Variants in RNLS observed in about 807,000 individuals in gnomAD.
The protein encoded by RNLS is renalase.
RNLS carries 39 observed loss-of-function variants against 39.8 expected under a neutral mutation model. The observed-to-expected ratio is 0.98, with a 90% CI of 0.76 to 1.28. The LOEUF (loss-of-function observed/expected upper bound fraction) is 1.28. Ranked by LOEUF, RNLS falls within the 50% of genes most tolerant of loss-of-function variation. RNLS has a pLI of 0.00. For synonymous variants in RNLS, 147 were observed against 150.7 expected (o/e 0.98, Z 0.18); for missense variants, 410 against 413.3 (o/e 0.99, Z 0.07).
chr10:88,569,605 ATTAAG>A (rs1419296149), intron 4 of RNLS, among the ~76,000 whole-genome samples: 3 of 152,356 alleles, frequency 2.0e-5, no homozygotes, highest in African/African-American at 7.2e-5. Flanking sequence ...TATAGAACTA[ATTAAG>A]TTAATGAAAG....
intron 4 of RNLS, among the ~76,000 whole-genome samples, chr10:88,465,476 A>G (rs748662766): frequency 1.3e-5 from 2 of 152,114 alleles, no homozygotes; most frequent in Admixed American, 6.6e-5. Context: ...CATTTGAACT[A>G]TGTGGCTCAA....
chr10:88,343,721 T>A (rs1848120381), intron 5 of RNLS: 2 of 985,418 alleles, frequency 2.0e-6, no homozygotes, highest in South Asian at 9.4e-5. Flanking sequence ...GAAGATTTTC[T>A]TTGGCCGACA....
chr10:88,181,339 C>T, the RNLS span, among the ~76,000 whole-genome samples: 1 of 152,100 alleles, frequency 6.6e-6, no homozygotes, highest in Non-Finnish European at 1.5e-5. Context: ...TCCCTACAAC[C>T]TCCGCTATGG....
intron 4 of RNLS, among the ~76,000 whole-genome samples, chr10:88,569,640 C>A (rs1310627659): frequency 6.6e-6 from 1 of 152,070 alleles, no homozygotes; most frequent in African/African-American, 2.4e-5. Context: ...TATGTAAATA[C>A]AATTTTCAGA....
intron 4 of RNLS, among the ~76,000 whole-genome samples, chr10:88,484,622 GA>G (rs1024821120): frequency 1.3e-5 from 2 of 151,906 alleles, no homozygotes; most frequent in Non-Finnish European, 2.9e-5. Flanking sequence ...CCACAAGACA[GA>G]AAAATGGAAG....
At chr10:88,267,669 G>A in the RNLS span, among the ~76,000 whole-genome samples, 7 of 152,158 alleles carry the variant, frequency 4.6e-5, no homozygotes, top group Non-Finnish European at 8.8e-5. Context: ...GTCTAACCAG[G>A]AGAACACAAA....
intron 4 of RNLS, among the ~76,000 whole-genome samples, chr10:88,371,286 C>A (rs1394322365): frequency 6.6e-6 from 1 of 152,106 alleles, no homozygotes. Context: ...TAAAAGCCTT[C>A]AGGGGTGTCT....
At chr10:88,521,474 TG>T (rs1456065991) in intron 4 of RNLS, among the ~76,000 whole-genome samples, 1 of 152,076 alleles carries the variant, frequency 6.6e-6, no homozygotes, top group Admixed American at 6.6e-5. Context: ...CTGTCCCTAA[TG>T]GGCAATATGA....
chr10:88,237,754 A>G, the RNLS span, among the ~76,000 whole-genome samples: 1 of 152,226 alleles, frequency 6.6e-6, no homozygotes, highest in African/African-American at 2.4e-5. Flanking sequence ...CTATCAACCA[A>G]TGAACAATTA....
the RNLS span, among the ~76,000 whole-genome samples, chr10:88,210,243 A>G: frequency 6.6e-6 from 1 of 152,158 alleles, no homozygotes; most frequent in Non-Finnish European, 1.5e-5. Flanking sequence ...TCCATTTCAT[A>G]CAGAGTTTAA....
In RNLS at chr10:88,354,574, C is replaced by T. The variant is rs140336733; in HGVS notation, c.700+7978G>A. On this transcript the variant is annotated intron_variant, in intron 5 of 6. Coordinates refer to ENST00000331772, the MANE Select transcript of RNLS (RefSeq NM_001031709.3). ...CTCTCTTCTGGCTTGTAATTTCTGC[C>T]GAGAGATCAGCTGTTAGTCTGATGG... 7.4e-3 allele frequency among the ~76,000 whole-genome samples: 1,119 copies of T among 152,164 alleles called. 9 individuals are homozygous for T. The highest frequency in any genetic ancestry group is 0.024 in the Middle Eastern group (7 of 294).
At chr10:88,432,268 T>C (rs1157637626) in intron 4 of RNLS, among the ~76,000 whole-genome samples, 4 of 152,026 alleles carry the variant, frequency 2.6e-5, no homozygotes, top group Admixed American at 6.6e-5. Flanking sequence ...AATGTTTATA[T>C]AGCCACTTCA....
At chr10:88,250,048 T>C in the RNLS span, among the ~76,000 whole-genome samples, 1 of 152,226 alleles carries the variant, frequency 6.6e-6, no homozygotes, top group African/African-American at 2.4e-5. Context: ...GTTCAGCTGT[T>C]GTTTGCGCTA....
chr10:88,291,115 T>C (rs1267621132), intron 6 of RNLS, among the ~76,000 whole-genome samples: 2 of 152,162 alleles, frequency 1.3e-5, no homozygotes, highest in Non-Finnish European at 2.9e-5. Context: ...TGAAGAAATA[T>C]GGCAAGTACT....
At chr10:88,552,511 C>T (rs899448788) in intron 4 of RNLS, among the ~76,000 whole-genome samples, 6 of 151,986 alleles carry the variant, frequency 3.9e-5, no homozygotes, top group Non-Finnish European at 7.4e-5. Flanking sequence ...AAAGTGTTTG[C>T]GATAACAGCA....
chr10:88,279,137 C>T (rs1197594962), downstream of RNLS, among the ~76,000 whole-genome samples: 2 of 152,128 alleles, frequency 1.3e-5, no homozygotes, highest in African/African-American at 4.8e-5. Flanking sequence ...AAACCACAGA[C>T]AGCATTTATT....
intron 5 of RNLS, among the ~76,000 whole-genome samples, chr10:88,344,700 T>G (rs550127170): frequency 6.6e-6 from 1 of 152,156 alleles, no homozygotes; most frequent in African/African-American, 2.4e-5. Context: ...TGTAAGGATA[T>G]ATAACAACAG....
intron 4 of RNLS, among the ~76,000 whole-genome samples, chr10:88,554,661 T>C (rs995119509): frequency 6.6e-6 from 1 of 151,948 alleles, no homozygotes; most frequent in Non-Finnish European, 1.5e-5. Context: ...AAGTATCATC[T>C]ATCTGTGTTG....
At chr10:88,184,045 G>C in the RNLS span, among the ~76,000 whole-genome samples, 1 of 152,128 alleles carries the variant, frequency 6.6e-6, no homozygotes, top group South Asian at 2.1e-4. Flanking sequence ...TAGTGTTCTG[G>C]TAGTGGTGTT....
Sources: allele counts gnomAD v4.1 joint callset (sites outside exome capture counted in the v4.1 genomes callset), GRCh38; gene constraint gnomAD v4.1.1; transcripts MANE v1.5; gene names NCBI Gene and HGNC (gene_info 2026-07-23, HGNC 2026-07-21).